The following UBOX5 variants were observed in gnomAD, a reference collection of about 807,000 sequenced individuals.
UBOX5 encodes RING finger protein 37.
A neutral mutation model predicts 39.0 loss-of-function variants in UBOX5; 28 were observed. That is an observed-to-expected ratio of 0.72 (90% CI 0.53 to 0.98). UBOX5 has a LOEUF of 0.98. Ranked by LOEUF, UBOX5 falls within the 50% of genes least tolerant of loss-of-function variation. The probability of loss-of-function intolerance (pLI) is 0.00; values close to 1 mark genes in which losing one functional copy is unlikely to be tolerated. For missense variants in UBOX5, 585 were observed against 674.4 expected (o/e 0.87, Z 1.47); for synonymous variants, 283 against 275.5 (o/e 1.03, Z -0.27).
chr20:3,158,461 C>T lies in UBOX5; in HGVS notation c.-42+1305G>A, dbSNP rs576685891. 4.0e-5 allele frequency among the ~76,000 whole-genome samples: 6 copies of T among 151,716 alleles called. No individual in the cohort carries two copies. In the South Asian group the frequency reaches 6.2e-4, roughly 16 times the overall value. On this transcript the variant is annotated intron_variant, in intron 1 of 4. Transcript: ENST00000217173. The stretch of plus-strand genomic sequence containing the variant: ...GCACAGAGTCTTCAGATTTTATTTA[C>T]TTATTTATTTATTTATTTATTCATT...
intron 3 of UBOX5, among the ~76,000 whole-genome samples, chr20:3,117,293 A>G (rs1268329857): frequency 2.5e-4 from 6 of 23,628 alleles, no homozygotes; most frequent in Non-Finnish European, 5.6e-4. Context: ...GATGGCACAC[A>G]CACACACACA....
intron 1 of UBOX5, among the ~76,000 whole-genome samples, chr20:3,132,807 G>A (rs183226007): frequency 0.019 from 2,496 of 131,512 alleles, 65 homozygotes; most frequent in African/African-American, 0.071. Flanking sequence ...GTGACAGAGT[G>A]GGACTGTCTC....
intron 1 of UBOX5, among the ~76,000 whole-genome samples, chr20:3,131,446 T>C (rs1381853521): frequency 1.3e-5 from 2 of 152,206 alleles, no homozygotes; most frequent in Non-Finnish European, 2.9e-5. Context: ...AACCATCCTT[T>C]TTATTCCCAG....
At chr20:3,135,328 C>T (rs79481729) in intron 1 of UBOX5, among the ~76,000 whole-genome samples, 10,949 of 151,810 alleles carry the variant, frequency 0.072, 499 homozygotes, top group Middle Eastern at 0.12. Flanking sequence ...ACTACAGGAG[C>T]CAAGAGGTGA....
chr20:3,148,037 C>G, intron 1 of UBOX5: 1 of 1,614,162 alleles, frequency 6.2e-7, no homozygotes, highest in Non-Finnish European at 8.5e-7. Flanking sequence ...AATGTTAGCA[C>G]AAGCCAAGTC....
chr20:3,121,390 A>G lies in UBOX5; in HGVS notation c.1249T>C (p.Ser417Pro), dbSNP rs2066334175. ...ACACAGGATGCTGAATTACCTGTCGAGCAGTCCATATGTGTCAGGCTGGGC... is the reference window on the plus strand; with the variant it reads ...ACACAGGATGCTGAATTACCTGTCGGGCAGTCCATATGTGTCAGGCTGGGC... The part of the protein sequence containing the change: ...NEPSLTHMDC[S>P]TGPLSHEQKL... The change falls in exon 3 of 5, where the codon TCG becomes CCG. Residue 417 changes from serine to proline, a missense_variant. By Grantham distance (74) the Ser-to-Pro change is moderately conservative. Transcript: ENST00000217173. The G allele has an allele frequency of 6.2e-7, 1 of 1,608,318 alleles. No homozygotes were observed. Among genetic ancestry groups the G allele is most frequent in the Non-Finnish European group, 8.5e-7 (1 of 1,176,844 alleles).
intron 1 of UBOX5, among the ~76,000 whole-genome samples, chr20:3,141,210 C>G (rs144819505): frequency 0.012 from 1,864 of 152,136 alleles, 16 homozygotes; most frequent in Non-Finnish European, 0.02. Flanking sequence ...TAAGCCACCA[C>G]ACCCGGCCAG....
At chr20:3,132,266 C>T (rs576483398) in intron 1 of UBOX5, among the ~76,000 whole-genome samples, 92 of 141,498 alleles carry the variant, frequency 6.5e-4, no homozygotes, top group Middle Eastern at 9.3e-3. Flanking sequence ...GCCGAGATCA[C>T]GCCACTGCAC....
chr20:3,110,024 G>T lies in UBOX5; in HGVS notation c.*82C>A, dbSNP rs573310214. 199 of 1,549,890 alleles carry T rather than the reference G, an allele frequency of 1.3e-4. No homozygotes were observed. The African/African-American group carries it at 2.6e-3, about 20-fold the overall frequency. On this transcript the variant is annotated 3_prime_UTR_variant, in exon 5 of 5. Transcript: ENST00000217173. Reference sequence around the variant, plus strand: ...CAGCTCTGTGCCTGGGGCCTGGCCAGACCTCAGGGGTGCTGTGGCCCTGCT... The same window carrying T: ...CAGCTCTGTGCCTGGGGCCTGGCCATACCTCAGGGGTGCTGTGGCCCTGCT...
intron 1 of UBOX5, among the ~76,000 whole-genome samples, chr20:3,150,018 CAA>C (rs1358453716): frequency 2.3e-4 from 25 of 110,444 alleles, no homozygotes; most frequent in African/African-American, 2.0e-4. Context: ...GACTCCATCT[CAA>C]AAAAAAAAAA....
At chr20:3,156,013 T>C (rs1188572463) in intron 1 of UBOX5, among the ~76,000 whole-genome samples, 2 of 151,846 alleles carry the variant, frequency 1.3e-5, no homozygotes, top group South Asian at 2.1e-4. Context: ...AGAAGAACAG[T>C]AGGGAGAAAA....
intron 1 of UBOX5, among the ~76,000 whole-genome samples, chr20:3,153,282 CTTTTTGAT>C (rs2066650051): frequency 6.6e-6 from 1 of 152,220 alleles, no homozygotes; most frequent in Admixed American, 6.5e-5. Context: ...TCATGTGACA[CTTTTTGAT>C]TTGTAAAAAC....
intron 1 of UBOX5, among the ~76,000 whole-genome samples, chr20:3,128,271 C>G (rs6107239): frequency 6.6e-6 from 1 of 152,104 alleles, no homozygotes. Context: ...AGCTTCCTGT[C>G]GGTTTGTTTT....
At chr20:3,148,345 A>T (rs1430285924) in intron 1 of UBOX5, 1 of 1,614,022 alleles carries the variant, frequency 6.2e-7, no homozygotes, top group Non-Finnish European at 8.5e-7. Context: ...AAAGGAGCTG[A>T]TCCATATTCA....
At position 3,121,446 on chromosome 20, in the gene UBOX5, T is replaced by A. The variant is rs1303421421; in HGVS notation, c.1193A>T (p.His398Leu). The A allele has an allele frequency of 6.2e-7, 1 of 1,614,078 alleles. No individual in the cohort carries two copies. The highest frequency in any genetic ancestry group is 1.7e-5 in the Admixed American group (1 of 60,010). ...SPLVLPTTSE[H>L]TAKKMKATNE... The stretch of plus-strand genomic sequence containing the variant: ...GGTGGCTTTCATTTTCTTAGCAGTG[T>A]GCTCTGAGGTAGTGGGTAAGACCAA... The change falls in exon 3 of 5, where the codon CAC (histidine) becomes CTC (leucine). Residue 398 changes from histidine (H) to leucine (L), a missense_variant. Coordinates refer to ENST00000217173, the MANE Select transcript of UBOX5 (RefSeq NM_014948.4).
At position 3,109,951 on chromosome 20, in the gene UBOX5, A is replaced by C; in HGVS notation, c.*155T>G. The stretch of plus-strand genomic sequence containing the variant: ...CCCTATTGCCACCAGCGCAGAAGCA[A>C]TGTGCTATACCGTGAGGTGATGAAG... On this transcript the variant is annotated 3_prime_UTR_variant, in exon 5 of 5. Coordinates refer to ENST00000217173, the MANE Select transcript of UBOX5 (RefSeq NM_014948.4). 2 of 817,996 alleles carry C rather than the reference A, an allele frequency of 2.4e-6. No homozygotes were observed. Among genetic ancestry groups the C allele is most frequent in the Non-Finnish European group, 3.8e-6 (2 of 523,716 alleles). The allele number at this position is 817,996 out of a possible 1,614,324, so 50.7% of individuals were successfully genotyped here.
intron 2 of UBOX5, 71 bp from the exon 3 acceptor site, chr20:3,122,655 T>C: frequency 6.7e-7 from 1 of 1,494,480 alleles, no homozygotes; most frequent in Non-Finnish European, 8.9e-7. Context: ...AGAAAACTCT[T>C]AAGCCTGAGG....
intron 1 of UBOX5, chr20:3,148,159 T>C (rs2066587807): frequency 6.2e-7 from 1 of 1,613,858 alleles, no homozygotes; most frequent in Non-Finnish European, 8.5e-7. Flanking sequence ...TAAGGATCAA[T>C]GATTCCAATT....
In UBOX5 at chr20:3,149,037, T is replaced by C; in HGVS notation, c.-42+10729A>G. ...GAAGGACTGCAAAATGCTCGGTATC[T>C]TACAAGTTTTAATGACTTGAGAGTA... is the stretch of plus-strand genomic sequence containing the variant. On this transcript the variant is annotated intron_variant, in intron 1 of 4. Coordinates refer to ENST00000217173, the MANE Select transcript of UBOX5 (RefSeq NM_014948.4). The surrounding 1 kb of genome is among the most constrained non-coding windows in gnomAD (Gnocchi z 4.1). The C allele has an allele frequency of 5.0e-6, 8 of 1,613,540 alleles. No individual in the cohort carries two copies. Among genetic ancestry groups the C allele is most frequent in the Non-Finnish European group, 6.8e-6 (8 of 1,179,694 alleles).
Sources: allele counts gnomAD v4.1 joint callset (sites outside exome capture counted in the v4.1 genomes callset), GRCh38; gene constraint gnomAD v4.1.1; non-coding constraint Gnocchi (gnomAD v3.1); transcripts MANE v1.5; gene names NCBI Gene and HGNC (gene_info 2026-07-23, HGNC 2026-07-21).